Variants in BCL6B observed in about 807,000 individuals in gnomAD.
BCL6B encodes B-cell CLL/lymphoma 6 member B protein.
In BCL6B, 28 loss-of-function variants were observed where a neutral mutation model predicts 44.6. That is an observed-to-expected ratio of 0.63 (90% CI 0.47 to 0.86). The LOEUF (loss-of-function observed/expected upper bound fraction) is 0.86, where lower values mean the gene tolerates loss of function less well. Among genes scored for constraint, BCL6B ranks in the 40% least tolerant of loss-of-function variants. BCL6B has a pLI of 0.00. For missense variants in BCL6B, 626 were observed against 652.3 expected, an observed-to-expected ratio of 0.96 and a Z score of 0.44; for synonymous variants, 268 against 263.6, an observed-to-expected ratio of 1.02 and a Z score of -0.16.
rs1490334493 is a variant in BCL6B, at chr17:7,025,059, C to T, written c.765-17C>T. On this transcript the variant is annotated splice_polypyrimidine_tract_variant and intron_variant, in intron 4 of 8. Coordinates refer to ENST00000293805, the MANE Select transcript of BCL6B (RefSeq NM_181844.4). ...ACCGTACAATCTCTTTTAACCCTTT[C>T]CTTGCCATCTGCCTAGGCTCTCTCC... is the stretch of plus-strand genomic sequence containing the variant. 1 of 1,613,518 alleles carries T rather than the reference C, an allele frequency of 6.2e-7. No individual in the cohort carries two copies. Among genetic ancestry groups the T allele is most frequent in the Non-Finnish European group, 8.5e-7 (1 of 1,179,710 alleles).
At chr17:7,027,201 G>A in intron 8 of BCL6B, 114 bp downstream of exon 8, 2 of 1,398,550 alleles carry the variant, frequency 1.4e-6, no homozygotes, top group Admixed American at 2.1e-5. Context: ...AATGAGCGGT[G>A]GCCGGAAGAG....
rs556103118 is a variant in BCL6B at position 7,023,806 on chromosome 17, C to T, written c.135C>T (p.Gly45=). 7 of 1,443,182 alleles carry T rather than the reference C, an allele frequency of 4.9e-6. No homozygotes were observed. The highest frequency in any genetic ancestry group is 6.5e-6 in the Non-Finnish European group (7 of 1,073,560). The allele number at this position is 1,443,182 out of a possible 1,614,324, so 89.4% of individuals were successfully genotyped here. ...TCACTGACGTCACGCTGCTGGTTGG[C>T]GGGCAACCCCTCAGAGCACACAAGG... The part of the protein sequence containing the change: ...GILTDVTLLV[G]GQPLRAHKAV... The change falls in exon 2 of 9, where the codon GGC becomes GGT. Residue 45 remains glycine, a synonymous_variant. Transcript: ENST00000293805.
In BCL6B at chr17:7,027,198, G is replaced by C. The variant is rs1009127213; in HGVS notation, c.1323+111G>C. On this transcript the variant is annotated intron_variant, in intron 8 of 8. Transcript: ENST00000293805. ...GTCCCTAGATCTCTTAGAAATGAGCGGTGGCCGGAAGAGTCCAAGCAAATA... is the reference window on the plus strand; with the variant it reads ...GTCCCTAGATCTCTTAGAAATGAGCCGTGGCCGGAAGAGTCCAAGCAAATA... 8.4e-6 allele frequency: 12 copies of C among 1,428,894 alleles called. No homozygotes were observed. In the South Asian group the frequency reaches 1.4e-4, roughly 17 times the overall value. 88.5% of individuals were successfully genotyped at this position (1,428,894 alleles called of 1,614,324 possible).
chr17:7,026,427 A>G (rs373851554), intron 5 of BCL6B, 30 bp from the exon 6 acceptor site: 78 of 1,610,928 alleles, frequency 4.8e-5, no homozygotes, highest in Non-Finnish European at 6.5e-5. Flanking sequence ...ATTAATAACT[A>G]TGGTTGCCGT....
Position 7,023,938 on chromosome 17 carries a change from C to T in BCL6B, c.179+88C>T. 1.9e-6 allele frequency: 3 copies of T among 1,550,854 alleles called. No individual in the cohort carries two copies. In the East Asian group the frequency reaches 6.8e-5, roughly 35 times the overall value. The stretch of plus-strand genomic sequence containing the variant: ...AGAGGGAATCCGAAGCCAAGTCTTT[C>T]AGAAGCAGGAGGCGGAGCGTCCCAG... On this transcript the variant is annotated intron_variant, in intron 2 of 8. Transcript: ENST00000293805.
Position 7,026,855 on chromosome 17 carries a change from G to C in BCL6B, c.1185+20G>C. ...GTACAGGTACGGAGCCAGCCTCCAAGTGGCTTCCAAGGCAAACCTGCAAGA... is the reference window on the plus strand; with the variant it reads ...GTACAGGTACGGAGCCAGCCTCCAACTGGCTTCCAAGGCAAACCTGCAAGA... On this transcript the variant is annotated intron_variant, in intron 7 of 8. Transcript: ENST00000293805. The C allele has an allele frequency of 6.2e-7, 1 of 1,613,040 alleles. No homozygotes were observed. The highest frequency in any genetic ancestry group is 8.5e-7 in the Non-Finnish European group (1 of 1,179,998).
chr17:7,025,016 G>GA, intron 4 of BCL6B, 60 bp from the exon 5 acceptor site: 1 of 1,577,044 alleles, frequency 6.3e-7, no homozygotes, highest in Non-Finnish European at 8.6e-7. Flanking sequence ...TTTCCCAGGA[G>GA]AGAACCCCCA....
chr17:7,026,995 C>G lies in BCL6B; in HGVS notation c.1231C>G (p.Pro411Ala). ...CGTGCTGATCCACACCGGGGAGAAG[C>G]CCTACCCTTGCCCTACCTGCGGAAC... ...AHVLIHTGEK[P>A]YPCPTCGTRF... Residue 411 changes from proline to alanine, a missense_variant, in exon 8 of 9, where the codon CCC becomes GCC. By Grantham distance (27) the Pro-to-Ala change is conservative. Transcript: ENST00000293805. 1 of 1,613,610 alleles carries G rather than the reference C, an allele frequency of 6.2e-7. No individual in the cohort carries two copies. The highest frequency in any genetic ancestry group is 8.5e-7 in the Non-Finnish European group (1 of 1,180,004).
In BCL6B at chr17:7,028,424, T is replaced by C; in HGVS notation, c.*805T>C. 2.7e-5 allele frequency: 1 copy of C among 37,064 alleles called. No homozygotes were observed. The highest frequency in any genetic ancestry group is 3.1e-5 in the Non-Finnish European group (1 of 32,498). 2.3% of individuals were successfully genotyped at this position (37,064 alleles called of 1,614,324 possible). A position where few individuals can be genotyped will look rare whatever the true frequency, so the allele number is the denominator to read the frequency against. On this transcript the variant is annotated 3_prime_UTR_variant, in exon 9 of 9. Coordinates refer to ENST00000293805, the MANE Select transcript of BCL6B (RefSeq NM_181844.4). ...TATGTTGAGCCCAAAATGGAAGTAA[T>C]AATAAATGCCTCCTGGAGGCTGTGG... is the stretch of plus-strand genomic sequence containing the variant.
intron 5 of BCL6B, among the ~76,000 whole-genome samples, chr17:7,025,836 CAAAAAA>C (rs56693603): frequency 1.6e-5 from 1 of 61,226 alleles, no homozygotes; most frequent in African/African-American, 5.9e-5. Context: ...GACTCTGTCT[CAAAAAA>C]AAAAAAAAAA....
Position 7,029,295 on chromosome 17 carries a change from C to G in BCL6B, c.*1676C>G, listed in dbSNP as rs1261818551. 5.1e-6 allele frequency: 5 copies of G among 986,926 alleles called. No homozygotes were observed. The highest frequency in any genetic ancestry group is 6.0e-6 in the Non-Finnish European group (5 of 831,056). The allele number at this position is 986,926 out of a possible 1,614,324, so 61.1% of individuals were successfully genotyped here. On this transcript the variant is annotated 3_prime_UTR_variant, in exon 9 of 9. Transcript: ENST00000293805. The stretch of plus-strand genomic sequence containing the variant: ...TGAAATGTTAGAAGAAGCGCTGAAG[C>G]CTTGATTGATAGTTCTGCCCCTTGT...
At position 7,023,691 on chromosome 17, in the gene BCL6B, CG is replaced by C; in HGVS notation, c.22del (p.Glu8ArgfsTer105). The C allele has an allele frequency of 2.5e-6, 4 of 1,612,782 alleles. No homozygotes were observed. The highest frequency in any genetic ancestry group is 1.3e-5 in the African/African-American group (1 of 75,070). On this transcript the variant is annotated frameshift_variant, in exon 2 of 9. Transcript: ENST00000293805. LOFTEE classifies it high-confidence loss of function. ...GTCGCTATGGGTTCCCCCGCCGCCCCGGAGGGAGCGCTGGGCTACGTCCGCG... is the reference window on the plus strand; with the variant it reads ...GTCGCTATGGGTTCCCCCGCCGCCCCGAGGGAGCGCTGGGCTACGTCCGCG... MGSPAA[P>X]EGALGYVREF...
In BCL6B at chr17:7,024,932, G is replaced by A. The variant is rs139572295; in HGVS notation, c.765-144G>A. The A allele has an allele frequency of 7.3e-4, 1,081 of 1,477,050 alleles. 5 individuals are homozygous for A. The African/African-American group carries it at 0.013, about 18-fold the overall frequency. 91.5% of individuals were successfully genotyped at this position (1,477,050 alleles called of 1,614,324 possible). On this transcript the variant is annotated intron_variant, in intron 4 of 8. Coordinates refer to ENST00000293805, the MANE Select transcript of BCL6B (RefSeq NM_181844.4). This position sits in a 1 kb window ranked among gnomAD's most constrained non-coding sequence, Gnocchi z 6.6. ...AGGTTTATTCAGCAGGGTGGCACTTGGGCAGTACAATGGATGTGGCTCATT... is the reference window on the plus strand; with the variant it reads ...AGGTTTATTCAGCAGGGTGGCACTTAGGCAGTACAATGGATGTGGCTCATT...
chr17:7,027,826 C>T lies in BCL6B; in HGVS notation c.*207C>T. On this transcript the variant is annotated 3_prime_UTR_variant, in exon 9 of 9. Transcript: ENST00000293805. ...TGTTTTGCTGGTCAAAACCTCTTCCCCACAAGCCAGATTGTTTCTGAGGAG... is the reference window on the plus strand; with the variant it reads ...TGTTTTGCTGGTCAAAACCTCTTCCTCACAAGCCAGATTGTTTCTGAGGAG... 7.0e-7 allele frequency: 1 copy of T among 1,419,606 alleles called. No homozygotes were observed. The highest frequency in any genetic ancestry group is 9.2e-7 in the Non-Finnish European group (1 of 1,090,448). The allele number at this position is 1,419,606 out of a possible 1,614,324, so 87.9% of individuals were successfully genotyped here.
chr17:7,023,927 G>A, intron 2 of BCL6B, 77 bp downstream of exon 2: 1 of 1,561,732 alleles, frequency 6.4e-7, no homozygotes, highest in African/African-American at 1.4e-5. Flanking sequence ...GGAATCCGAA[G>A]CCAAGTCTTT....
Position 7,027,613 on chromosome 17 carries a change from G to T in BCL6B, c.1434G>T (p.Gly478=), listed in dbSNP as rs748524501. 2.5e-6 allele frequency: 4 copies of T among 1,613,060 alleles called. No homozygotes were observed. The highest frequency in any genetic ancestry group is 3.4e-6 in the Non-Finnish European group (4 of 1,180,008). ...NTKVHYHILG[G]P ...AAGTGCACTACCACATTCTCGGGGG[G>T]CCCTAGCTGAGCGCAGGCCCAGGCC... The change falls in exon 9 of 9, where the codon GGG becomes GGT. Residue 478 remains glycine, a synonymous_variant. Transcript: ENST00000293805.
chr17:7,027,887 G>A lies in BCL6B; in HGVS notation c.*268G>A. 1 of 1,340,520 alleles carries A rather than the reference G, an allele frequency of 7.5e-7. No homozygotes were observed. Among genetic ancestry groups the A allele is most frequent in the Non-Finnish European group, 9.6e-7 (1 of 1,041,448 alleles). The allele number at this position is 1,340,520 out of a possible 1,614,324, so 83.0% of individuals were successfully genotyped here. ...AGGGGCTGGGAAAGGGGAGAGATTG[G>A]AGTCCTGGTCTCCCTAAGGGAATAG... is the stretch of plus-strand genomic sequence containing the variant. On this transcript the variant is annotated 3_prime_UTR_variant, in exon 9 of 9. Coordinates refer to ENST00000293805, the MANE Select transcript of BCL6B (RefSeq NM_181844.4).
In BCL6B at chr17:7,023,713, C is replaced by T. The variant is rs1032871519; in HGVS notation, c.42C>T (p.Val14=). 1.5e-5 allele frequency: 25 copies of T among 1,613,024 alleles called. No individual in the cohort carries two copies. The highest frequency in any genetic ancestry group is 2.0e-5 in the Non-Finnish European group (24 of 1,180,026). The change falls in exon 2 of 9, where the codon GTC becomes GTT. Residue 14 remains valine, a synonymous_variant. Coordinates refer to ENST00000293805, the MANE Select transcript of BCL6B (RefSeq NM_181844.4). ...CCCCGGAGGGAGCGCTGGGCTACGT[C>T]CGCGAGTTCACTCGCCACTCCTCCG... ...PAAPEGALGY[V]REFTRHSSDV... is the part of the protein sequence containing the mutation.
chr17:7,023,518 G>C, intron 1 of BCL6B, 142 bp from the exon 2 acceptor site: 1 of 774,260 alleles, frequency 1.3e-6, no homozygotes, highest in East Asian at 2.7e-5. Context: ...TGAACAAGAA[G>C]AATTAGGAGG....
Sources: gnomAD v4.1 joint callset for allele counts (sites outside exome capture counted in the v4.1 genomes callset) on GRCh38, gnomAD v4.1.1 for gene constraint, Gnocchi (gnomAD v3.1) non-coding constraint, MANE v1.5 for transcripts, NCBI Gene and HGNC (gene_info 2026-07-23, HGNC 2026-07-21) for gene names.